Variants in ACTR8 observed in about 807,000 individuals in gnomAD.
The protein encoded by ACTR8 is actin-related protein 8.
ACTR8 carries 70 observed loss-of-function variants against 84.3 expected under a neutral mutation model. That is an observed-to-expected ratio of 0.83 (90% confidence interval 0.68 to 1.01). The LOEUF is 1.01. ACTR8 is among the 50% of genes least tolerant of loss of function. ACTR8 has a pLI of 0.00. For synonymous variants in ACTR8, 268 were observed against 275.2 expected, an observed-to-expected ratio of 0.97 and a Z score of 0.26; for missense variants, 672 against 775.4, an observed-to-expected ratio of 0.87 and a Z score of 1.58.
downstream of ACTR8, among the ~76,000 whole-genome samples, chr3:53,864,483 C>G (rs949034639): frequency 1.3e-5 from 2 of 151,906 alleles, no homozygotes; most frequent in Non-Finnish European, 2.9e-5. Flanking sequence ...TGTAGTCAGC[C>G]GAGGTCACGC....
At chr3:53,864,428 G>A (rs1699698842), downstream of ACTR8, among the ~76,000 whole-genome samples, 2 of 152,048 alleles carry the variant, frequency 1.3e-5, no homozygotes, top group African/African-American at 4.8e-5. Context: ...CCAGCTACTC[G>A]GGAGGCTGAG....
At chr3:53,876,394 C>T (rs866023016) in intron 6 of ACTR8, among the ~76,000 whole-genome samples, 1 of 151,952 alleles carries the variant, frequency 6.6e-6, no homozygotes, top group Non-Finnish European at 1.5e-5. Context: ...TGGCGGGTGC[C>T]TGTAGTCCCA....
At chr3:53,875,867 A>G in intron 7 of ACTR8, 81 bp downstream of exon 7, 1 of 1,556,026 alleles carries the variant, frequency 6.4e-7, no homozygotes, top group Admixed American at 1.8e-5. Context: ...ATAATTTTTA[A>G]CCTGTGATTT....
At chr3:53,864,345 G>C (rs1699693793), downstream of ACTR8, among the ~76,000 whole-genome samples, 2 of 152,128 alleles carry the variant, frequency 1.3e-5, no homozygotes, top group African/African-American at 2.4e-5. Context: ...GACCATCCTG[G>C]CTAACAGGGT....
Position 53,872,518 on chromosome 3 carries a change from T to G in ACTR8, c.1168A>C (p.Met390Leu), listed in dbSNP as rs754699144. Residue 390 changes from methionine (M) to leucine (L), a missense_variant, in exon 10 of 13, where the codon ATG becomes CTG. Coordinates refer to ENST00000335754, the MANE Select transcript of ACTR8 (RefSeq NM_022899.5). ...AAAGTTGCGGGGTAAAACAAAGCCA[T>G]TGGAGCCTGTACATGAAGAAAAAGA... ...RLGDEKLQAP[M>L]ALFYPATFGI... 6.2e-7 allele frequency: 1 copy of G among 1,602,390 alleles called. No individual in the cohort carries two copies. The highest frequency in any genetic ancestry group is 2.3e-5 in the East Asian group (1 of 44,256).
At position 53,882,002 on chromosome 3, in the gene ACTR8, G is replaced by A. The variant is rs1238919371; in HGVS notation, c.100C>T (p.Leu34=). ...ACCTCTTGCAGCGACTCCGGCACCA[G>A]CGCGGGCACGATGGGCCGCTTCACG... ...RGVKRPIVPA[L]VPESLQEQIQ... Residue 34 remains leucine, a synonymous_variant, in exon 1 of 13, where the codon CTG becomes TTG. Transcript: ENST00000335754. The A allele has an allele frequency of 1.9e-6, 3 of 1,552,844 alleles. No individual in the cohort carries two copies. Among genetic ancestry groups the A allele is most frequent in the Admixed American group, 3.9e-5 (2 of 51,284 alleles).
chr3:53,873,252 A>T, intron 8 of ACTR8, 125 bp from the exon 9 acceptor site: 1 of 572,930 alleles, frequency 1.7e-6, no homozygotes, highest in Non-Finnish European at 3.1e-6. Context: ...GCTTTGTACC[A>T]CTCACACTAT....
At chr3:53,859,121 C>T in the ACTR8 span, 1 of 268,950 alleles carries the variant, frequency 3.7e-6, no homozygotes, top group Non-Finnish European at 7.0e-6. Context: ...TGAAAAAAGC[C>T]AAAGATGTAA....
At chr3:53,873,172 T>C (rs1699914807) in intron 8 of ACTR8, 45 bp from the exon 9 acceptor site, 36 of 1,460,468 alleles carry the variant, frequency 2.5e-5, no homozygotes, top group Non-Finnish European at 3.3e-5. Context: ...TAAGAATGCA[T>C]GTAAACTCTT....
intron 1 of ACTR8, 104 bp from the exon 2 acceptor site, chr3:53,880,213 T>C (rs1700038026): frequency 8.4e-7 from 1 of 1,183,550 alleles, no homozygotes; most frequent in Non-Finnish European, 1.2e-6. Context: ...GACTCAAAGG[T>C]ATCAAAATAA....
chr3:53,863,617 C>A (rs1425782705), downstream of ACTR8, among the ~76,000 whole-genome samples: 2 of 152,110 alleles, frequency 1.3e-5, no homozygotes, highest in Non-Finnish European at 2.9e-5. Context: ...CCGTATAGGG[C>A]AGAATTCCAG....
In ACTR8 at chr3:53,870,138, G is replaced by A. The variant is rs576722191; in HGVS notation, c.1575C>T (p.Asp525=). 18 of 1,612,132 alleles carry A rather than the reference G, an allele frequency of 1.1e-5. No homozygotes were observed. In the South Asian group the frequency reaches 1.5e-4, roughly 14 times the overall value. Residue 525 remains aspartate, a synonymous_variant, in exon 12 of 13, where the codon GAC becomes GAT. Coordinates refer to ENST00000335754, the MANE Select transcript of ACTR8 (RefSeq NM_022899.5). This position sits in a 1 kb window ranked among gnomAD's most constrained non-coding sequence, Gnocchi z 4.1. ...ILHSIDCCSS[D]DTKKKMYSSI... ...AGCTGTACATCTTCTTTTTGGTGTC[G>A]TCAGATGCTGAAAAGACAGTTGACA...
At chr3:53,878,920 T>C (rs1396238665) in intron 2 of ACTR8, among the ~76,000 whole-genome samples, 1 of 152,240 alleles carries the variant, frequency 6.6e-6, no homozygotes, top group Non-Finnish European at 1.5e-5. Flanking sequence ...TTTCAAGTGA[T>C]TTTTCATAAA....
chr3:53,876,347 T>A (rs1375904643), intron 6 of ACTR8, among the ~76,000 whole-genome samples: 2 of 152,008 alleles, frequency 1.3e-5, no homozygotes, highest in Non-Finnish European at 2.9e-5. Context: ...TGAAACCCTG[T>A]ATCTACTAAA....
intron 2 of ACTR8, among the ~76,000 whole-genome samples, chr3:53,879,486 AT>A (rs144952709): frequency 1.1e-4 from 17 of 150,772 alleles, no homozygotes; most frequent in African/African-American, 2.7e-4. Context: ...CTGCAAGAAA[AT>A]TTTTTTTTTG....
In ACTR8 at chr3:53,878,367, G is replaced by C; in HGVS notation, c.395C>G (p.Ser132Cys). Reference protein sequence around the residue: ...MSNGTRRIPVSPEQARSYNKQ... With the variant: ...MSNGTRRIPVCPEQARSYNKQ... ...AAGAGTTAATCGAACCTGTTCAGGG[G>C]ACACAGGAATGCGTCTTGTACCATT... The change falls in exon 3 of 13, where the codon TCC becomes TGC. Residue 132 changes from serine to cysteine, a missense_variant. Coordinates refer to ENST00000335754, the MANE Select transcript of ACTR8 (RefSeq NM_022899.5). The C allele has an allele frequency of 6.2e-7, 1 of 1,608,686 alleles. No individual in the cohort carries two copies. Among genetic ancestry groups the C allele is most frequent in the African/African-American group, 1.3e-5 (1 of 74,906 alleles).
chr3:53,877,535 A>G (rs974730496), intron 4 of ACTR8, 112 bp downstream of exon 4: 23 of 1,323,902 alleles, frequency 1.7e-5, no homozygotes, highest in East Asian at 2.4e-5. Flanking sequence ...TGGTACTCAA[A>G]GCAGGGTTAT....
At chr3:53,864,723 C>T (rs1291343058), downstream of ACTR8, 10 of 1,546,530 alleles carry the variant, frequency 6.5e-6, 1 homozygote, top group South Asian at 4.7e-5. Context: ...TCACAGATAA[C>T]AAATGCTTTT....
intron 7 of ACTR8, among the ~76,000 whole-genome samples, chr3:53,875,159 C>A (rs575622690): frequency 1.2e-4 from 19 of 152,328 alleles, no homozygotes; most frequent in African/African-American, 3.4e-4. Flanking sequence ...ACTTTGAGAA[C>A]AAGTGGCATT....
Sources: gnomAD v4.1 joint callset for allele counts (sites outside exome capture counted in the v4.1 genomes callset) on GRCh38, gnomAD v4.1.1 for gene constraint, Gnocchi (gnomAD v3.1) non-coding constraint, MANE v1.5 for transcripts, NCBI Gene and HGNC (gene_info 2026-07-23, HGNC 2026-07-21) for gene names.